FAAH2: variants seen among roughly 807,000 people sequenced by gnomAD.
FAAH2 encodes fatty acid amide hydrolase 2.
In FAAH2, 60 loss-of-function variants were observed where a neutral mutation model predicts 36.9. The ratio of observed to expected loss-of-function variants is 1.63; its 90% CI spans 1.32 to 2.02. The LOEUF is 2.02. Ranked by LOEUF, FAAH2 falls within the 30% of genes most tolerant of loss-of-function variation. The pLI, the probability that FAAH2 is intolerant of heterozygous loss-of-function variation, is 0.00. For missense variants in FAAH2, 689 were observed against 397.5 expected (o/e 1.73, Z -6.23); for synonymous variants, 214 against 143.8 (o/e 1.49, Z -3.49).
intron 7 of FAAH2, among the ~76,000 whole-genome samples, chrX:57,410,083 ATT>A (rs2055661976): frequency 9.2e-6 from 1 of 108,854 alleles, no homozygotes; most frequent in African/African-American, 3.3e-5. Context: ...TTTTGTTTTC[ATT>A]TGTCCAAGAT....
chrX:57,422,789 G>A (rs1185384483), intron 7 of FAAH2, among the ~76,000 whole-genome samples: 1 of 111,891 alleles, frequency 8.9e-6, no homozygotes, highest in Admixed American at 9.5e-5. Flanking sequence ...TGGATTAGAG[G>A]CTTTGTTATC....
chrX:57,173,881 GAT>G, the FAAH2 span, among the ~76,000 whole-genome samples: 1 of 110,848 alleles, frequency 9.0e-6, no homozygotes, highest in Non-Finnish European at 1.9e-5. Flanking sequence ...TATTTACCTG[GAT>G]ATGTTGAAAC....
the FAAH2 span, among the ~76,000 whole-genome samples, chrX:57,187,199 A>G: frequency 2.7e-5 from 3 of 111,906 alleles, no homozygotes; most frequent in Admixed American, 2.8e-4. Flanking sequence ...ATCCATGAAC[A>G]TCAATTTTTT....
At chrX:57,143,449 A>G in the FAAH2 span, among the ~76,000 whole-genome samples, 1 of 110,046 alleles carries the variant, frequency 9.1e-6, no homozygotes, top group South Asian at 3.9e-4. Flanking sequence ...ATATCTTTTT[A>G]TATTGTCTGT....
At chrX:57,280,758 A>G in the FAAH2 span, among the ~76,000 whole-genome samples, 2 of 112,343 alleles carry the variant, frequency 1.8e-5, no homozygotes, top group Non-Finnish European at 3.8e-5. Flanking sequence ...AAAGTTGTAC[A>G]TGAATGTTTA....
chrX:57,156,911 C>T, the FAAH2 span, among the ~76,000 whole-genome samples: 3 of 111,997 alleles, frequency 2.7e-5, no homozygotes, highest in Non-Finnish European at 5.6e-5. Context: ...CACTGTTTGG[C>T]TACTGCTAAT....
chrX:57,429,160 C>A (rs1477733531), intron 7 of FAAH2, among the ~76,000 whole-genome samples: 1 of 108,989 alleles, frequency 9.2e-6, no homozygotes, highest in Non-Finnish European at 1.9e-5. Context: ...ACGGTGAAAC[C>A]CCATCTCTAC....
chrX:57,335,568 T>C (rs1346751797), intron 4 of FAAH2, among the ~76,000 whole-genome samples: 2 of 113,370 alleles, frequency 1.8e-5, no homozygotes, highest in Non-Finnish European at 3.7e-5. Context: ...TCTCAGTAGA[T>C]GGAATATACA....
At chrX:57,171,531 T>A in the FAAH2 span, among the ~76,000 whole-genome samples, 3 of 111,944 alleles carry the variant, frequency 2.7e-5, no homozygotes. Context: ...CATTTTTTCA[T>A]ATGTTTCTTG....
the FAAH2 span, among the ~76,000 whole-genome samples, chrX:57,223,350 C>T: frequency 8.9e-6 from 1 of 111,815 alleles, no homozygotes; most frequent in East Asian, 2.8e-4. Context: ...AAAAGGAGGA[C>T]TTCCAAGCCC....
the FAAH2 span, among the ~76,000 whole-genome samples, chrX:57,124,168 A>C: frequency 7.2e-5 from 8 of 111,338 alleles, no homozygotes; most frequent in South Asian, 1.1e-3. Context: ...TCCATCTTGA[A>C]TTAATTTTTG....
At chrX:57,325,983 T>A (rs2146971612) in intron 3 of FAAH2, among the ~76,000 whole-genome samples, 1 of 22,580 alleles carries the variant, frequency 4.4e-5, no homozygotes, top group African/African-American at 2.5e-4. Flanking sequence ...TTTAGTGCTA[T>A]AAATTTCCCT....
the FAAH2 span, among the ~76,000 whole-genome samples, chrX:57,154,767 A>AT: frequency 3.1e-3 from 328 of 106,225 alleles, 1 homozygote; most frequent in Middle Eastern, 5.1e-3. Context: ...ATATTTCCAG[A>AT]TTTTTTTTTT....
At chrX:57,460,474 A>G (rs576015331) in intron 10 of FAAH2, among the ~76,000 whole-genome samples, 1 of 111,974 alleles carries the variant, frequency 8.9e-6, no homozygotes, top group Admixed American at 9.5e-5. Flanking sequence ...CAGAAACCCT[A>G]CAAGCCAGAA....
chrX:57,333,858 G>GA (rs1275082791), intron 4 of FAAH2, among the ~76,000 whole-genome samples: 1 of 111,481 alleles, frequency 9.0e-6, no homozygotes, highest in Non-Finnish European at 1.9e-5. Flanking sequence ...ATAAATGTTT[G>GA]AAAAAAACTA....
At position 57,381,974 on chromosome X, in the gene FAAH2, T is replaced by C. The variant is rs1039726603; in HGVS notation, c.996+945T>C. On this transcript the variant is annotated intron_variant, in intron 7 of 10. Transcript: ENST00000374900. ...AAAGAACAGAAATTATAACAAACTG[T>C]CTCTCAGACCATAGTGCAAACAAAC... is the stretch of plus-strand genomic sequence containing the variant. Among the ~76,000 whole-genome samples the C allele has an allele frequency of 4.0e-4, 45 of 111,310 alleles. 1 individual carries two copies. The highest frequency in any genetic ancestry group is 1.7e-4 in the Non-Finnish European group (9 of 53,014).
chrX:57,304,154 C>G (rs2052455140), intron 2 of FAAH2, among the ~76,000 whole-genome samples: 1 of 111,956 alleles, frequency 8.9e-6, no homozygotes, highest in African/African-American at 3.2e-5. Flanking sequence ...TTGCAGTGAG[C>G]TGAGATCTTG....
intron 10 of FAAH2, among the ~76,000 whole-genome samples, chrX:57,469,121 C>T (rs2057108149): frequency 8.9e-6 from 1 of 112,081 alleles, no homozygotes; most frequent in Non-Finnish European, 1.9e-5. Context: ...AAAGGAACAA[C>T]TGGTAACAGC....
Position 57,354,130 on chromosome X carries a change from C to G in FAAH2, c.742+12740C>G, listed in dbSNP as rs1428443343. Among the ~76,000 whole-genome samples, 4 of 110,855 alleles carry G rather than the reference C, an allele frequency of 3.6e-5. No individual in the cohort carries two copies. In the Admixed American group the frequency reaches 3.9e-4, roughly 11 times the overall value. On this transcript the variant is annotated intron_variant, in intron 5 of 10. Transcript: ENST00000374900. The stretch of plus-strand genomic sequence containing the variant: ...GGAAATCAATTATATTAAAAGCTAC[C>G]TGCACTTGTATGTTTATACAGCATT...
Sources: allele counts gnomAD v4.1 joint callset (sites outside exome capture counted in the v4.1 genomes callset), GRCh38; gene constraint gnomAD v4.1.1; transcripts MANE v1.5; gene names NCBI Gene and HGNC (gene_info 2026-07-23, HGNC 2026-07-21).